Variants in WDFY4 observed in about 807,000 individuals in gnomAD.
WDFY4 encodes the protein WDFY family member 4, also known as WD repeat- and FYVE domain-containing protein 4.
WDFY4 carries 169 observed loss-of-function variants against 351.9 expected under a neutral mutation model. The ratio of observed to expected loss-of-function variants is 0.48; its 90% confidence interval spans 0.42 to 0.55. WDFY4 has a LOEUF of 0.55. Among genes scored for constraint, WDFY4 ranks in the 20% least tolerant of loss-of-function variants. The pLI, the probability that WDFY4 is intolerant of heterozygous loss-of-function variation, is 0.00. For synonymous variants in WDFY4, 1,622 were observed against 1,574.6 expected, an observed-to-expected ratio of 1.03 and a Z score of -0.71; for missense variants, 3,803 against 3,935.6, an observed-to-expected ratio of 0.97 and a Z score of 0.90.
At position 48,851,535 on chromosome 10, in the gene WDFY4, G is replaced by A. The variant is rs144041429; in HGVS notation, c.6664-15730G>A. Among the ~76,000 whole-genome samples, 87 of 152,296 alleles carry A rather than the reference G, an allele frequency of 5.7e-4. 1 individual carries two copies. Among genetic ancestry groups the A allele is most frequent in the Middle Eastern group, 6.8e-3 (2 of 294 alleles). On this transcript the variant is annotated intron_variant, in intron 39 of 61. Transcript: ENST00000325239. Reference sequence around the variant, plus strand: ...TAGTCCCAGGCCTGACATGTAGTGCGTGGCTGAAGTGGCCAGGACCCGTAA... The same window carrying A: ...TAGTCCCAGGCCTGACATGTAGTGCATGGCTGAAGTGGCCAGGACCCGTAA...
intron 11 of WDFY4, among the ~76,000 whole-genome samples, chr10:48,739,652 G>A (rs546715716): frequency 1.3e-5 from 2 of 152,234 alleles, no homozygotes; most frequent in South Asian, 4.2e-4. Flanking sequence ...AAATAATAGA[G>A]GAGTCTAAGT....
intron 39 of WDFY4, among the ~76,000 whole-genome samples, chr10:48,840,806 G>T (rs532367951): frequency 6.6e-6 from 1 of 152,138 alleles, no homozygotes; most frequent in Non-Finnish European, 1.5e-5. Flanking sequence ...AAGTGTCTCT[G>T]GTCTATCACA....
chr10:48,763,930 C>T (rs2065589532), intron 13 of WDFY4, among the ~76,000 whole-genome samples: 1 of 152,156 alleles, frequency 6.6e-6, no homozygotes, highest in Non-Finnish European at 1.5e-5. Flanking sequence ...GAAATGAGAC[C>T]ACACAAGGAA....
Position 48,826,681 on chromosome 10 carries a change from C to T in WDFY4, c.5993C>T (p.Thr1998Ile). ...ILEHIMVVIETASSQRDTVLS... is the reference protein window; with the variant it reads ...ILEHIMVVIEIASSQRDTVLS... ...TTTTTAATGACACAGGTCATTGAGA[C>T]TGCCTCTTCTCAAAGGGACACTGTC... Residue 1998 changes from threonine (T) to isoleucine (I), a missense_variant, in exon 36 of 62, where the codon ACT (threonine) becomes ATT (isoleucine). Thr to Ile is a moderately conservative substitution (Grantham distance 89). This residue lies in a region of WDFY4 where 3,054 missense variants were observed against 3,148.6 expected (regional missense o/e 0.97). Coordinates refer to ENST00000325239, the MANE Select transcript of WDFY4 (RefSeq NM_001394531.1). 6.4e-7 allele frequency: 1 copy of T among 1,550,844 alleles called. No individual in the cohort carries two copies. The highest frequency in any genetic ancestry group is 8.7e-7 in the Non-Finnish European group (1 of 1,146,258).
At chr10:48,793,029 G>A (rs1342277611) in intron 23 of WDFY4, among the ~76,000 whole-genome samples, 1 of 152,264 alleles carries the variant, frequency 6.6e-6, no homozygotes, top group Non-Finnish European at 1.5e-5. Context: ...AGCTCATCAA[G>A]AGGTTTCCTG....
In WDFY4 at chr10:48,803,226, C is replaced by G; in HGVS notation, c.4411-60C>G. 3 of 1,517,608 alleles carry G rather than the reference C, an allele frequency of 2.0e-6. No individual in the cohort carries two copies. In the Admixed American group the frequency reaches 5.9e-5, roughly 30 times the overall value. The allele number at this position is 1,517,608 out of a possible 1,614,324, so 94.0% of individuals were successfully genotyped here. On this transcript the variant is annotated intron_variant, in intron 24 of 61. Transcript: ENST00000325239. ...GTCCAGCACTGACCTTCTCATGCTT[C>G]CTGCAAATCATTCTTCTCCCACACC...
chr10:48,808,080 A>G, intron 28 of WDFY4, 122 bp downstream of exon 28: 1 of 767,174 alleles, frequency 1.3e-6, no homozygotes. Context: ...TATTTCCTGC[A>G]CTAGTCAGAA....
intron 1 of WDFY4, among the ~76,000 whole-genome samples, chr10:48,686,121 GT>G (rs1200900075): frequency 1.3e-5 from 2 of 152,182 alleles, no homozygotes; most frequent in Non-Finnish European, 2.9e-5. Flanking sequence ...GGCCCTTCCT[GT>G]CTGTCCATCC....
intron 37 of WDFY4, among the ~76,000 whole-genome samples, chr10:48,829,159 A>T (rs969664980): frequency 6.6e-6 from 1 of 152,204 alleles, no homozygotes; most frequent in Non-Finnish European, 1.5e-5. Context: ...AAAGGAATGA[A>T]TCGATGCATA....
chr10:48,730,365 C>T (rs1361176619), intron 8 of WDFY4, among the ~76,000 whole-genome samples: 1 of 152,202 alleles, frequency 6.6e-6, no homozygotes, highest in African/African-American at 2.4e-5. Flanking sequence ...TGCAGTAACA[C>T]ATGGGGCACA....
intron 53 of WDFY4, among the ~76,000 whole-genome samples, chr10:48,963,197 C>A (rs778681477): frequency 6.6e-6 from 1 of 152,224 alleles, no homozygotes; most frequent in Non-Finnish European, 1.5e-5. Flanking sequence ...GGAAACAACA[C>A]CTGTGAAACA....
intron 39 of WDFY4, among the ~76,000 whole-genome samples, chr10:48,836,771 G>A (rs1049111532): frequency 1.3e-5 from 2 of 152,152 alleles, no homozygotes; most frequent in African/African-American, 4.8e-5. Context: ...TCAGCTTGTT[G>A]GACAGAGGTT....
chr10:48,890,508 C>T (rs1760033115), intron 43 of WDFY4, 71 bp from the exon 44 acceptor site: 1 of 1,538,932 alleles, frequency 6.5e-7, no homozygotes, highest in South Asian at 1.2e-5. Flanking sequence ...GGTCACTACC[C>T]TCCTGTTTCC....
rs1313795360 is a variant in WDFY4 at position 48,976,983 on chromosome 10, G to A, written c.9291+4G>A. ...GAGTCAAGACGGCATGGTCCGGGTA[G>A]GTGTGTCTTGGGCAGAATGAGGACA... On this transcript the variant is annotated splice_donor_region_variant and intron_variant, in intron 59 of 61. Transcript: ENST00000325239. 2 of 1,429,712 alleles carry A rather than the reference G, an allele frequency of 1.4e-6. No homozygotes were observed. Among genetic ancestry groups the A allele is most frequent in the Non-Finnish European group, 9.3e-7 (1 of 1,079,818 alleles). 88.6% of individuals were successfully genotyped at this position (1,429,712 alleles called of 1,614,324 possible).
intron 1 of WDFY4, among the ~76,000 whole-genome samples, chr10:48,705,764 C>T (rs2063610862): frequency 6.6e-6 from 1 of 152,218 alleles, no homozygotes; most frequent in Admixed American, 6.5e-5. Flanking sequence ...TTCTGCACTT[C>T]AGAGGAGAGC....
intron 1 of WDFY4, among the ~76,000 whole-genome samples, chr10:48,685,775 T>A (rs537323876): frequency 6.6e-6 from 1 of 152,256 alleles, no homozygotes; most frequent in Non-Finnish European, 1.5e-5. Context: ...GCACACTAAT[T>A]TTAATATGAG....
intron 19 of WDFY4, among the ~76,000 whole-genome samples, chr10:48,786,301 T>C (rs2066403201): frequency 6.6e-6 from 1 of 152,236 alleles, no homozygotes; most frequent in South Asian, 2.1e-4. Flanking sequence ...ACTCTGTATG[T>C]ATGTAATTAT....
intron 7 of WDFY4, 135 bp from the exon 8 acceptor site, chr10:48,729,297 T>C (rs2064374808): frequency 7.8e-7 from 1 of 1,288,872 alleles, no homozygotes; most frequent in Non-Finnish European, 1.0e-6. Flanking sequence ...GCCTCTGAAT[T>C]GCCTCAGGTG....
chr10:48,832,732 C>T, intron 39 of WDFY4, 23 bp downstream of exon 39: 1 of 1,502,460 alleles, frequency 6.7e-7, no homozygotes, highest in South Asian at 1.3e-5. Flanking sequence ...CCCTTTTCCT[C>T]AGAAAAGTAT....
Sources: allele counts gnomAD v4.1 joint callset (sites outside exome capture counted in the v4.1 genomes callset), GRCh38; gene constraint gnomAD v4.1.1; regional missense constraint gnomAD v4.1.1; transcripts MANE v1.5; gene names NCBI Gene and HGNC (gene_info 2026-07-23, HGNC 2026-07-21).